Variants in NIPBL observed in about 807,000 individuals in gnomAD.
NIPBL encodes the protein nipped-B-like protein.
A neutral mutation model predicts 321.8 loss-of-function variants in NIPBL; 19 were observed. The ratio of observed to expected loss-of-function variants is 0.06; its 90% CI spans 0.04 to 0.09. NIPBL has a LOEUF of 0.09. Among genes scored for constraint, NIPBL ranks in the 10% least tolerant of loss-of-function variants. NIPBL has a pLI of 1.00. For missense variants in NIPBL, 2,210 were observed against 3,327.0 expected, an observed-to-expected ratio of 0.66 and a Z score of 8.26; for synonymous variants, 1,106 against 1,114.1, an observed-to-expected ratio of 0.99 and a Z score of 0.14.
At chr5:36,910,456 G>A (rs1480050631) in intron 1 of NIPBL, among the ~76,000 whole-genome samples, 1 of 152,106 alleles carries the variant, frequency 6.6e-6, no homozygotes, top group Non-Finnish European at 1.5e-5. Context: ...CTCTGTCTTT[G>A]CTCCCATGTC....
chr5:37,037,411 A>ATATATATATATATATGTG (rs1433173870), intron 33 of NIPBL, among the ~76,000 whole-genome samples: 1 of 144,096 alleles, frequency 6.9e-6, no homozygotes, highest in Non-Finnish European at 1.5e-5. Context: ...ATATATATGT[A>ATATATATATATATATGTG]TATATATATA....
At chr5:37,039,798 C>A (rs151247236) in intron 34 of NIPBL, among the ~76,000 whole-genome samples, 71 of 152,094 alleles carry the variant, frequency 4.7e-4, no homozygotes, top group African/African-American at 1.6e-3. Context: ...ACTTTAAGAA[C>A]TGAGGAGAGT....
rs1746137918 is a variant in NIPBL at position 36,996,292 on chromosome 5, T to C, written c.3304+488T>C. ...GAATGCTTACTGGAAGAGGTGACAC[T>C]TGAGTTGAGTCTTGAAGGACACGTA... On this transcript the variant is annotated intron_variant, in intron 11 of 46. Coordinates refer to ENST00000282516, the MANE Select transcript of NIPBL (RefSeq NM_133433.4). This position sits in a 1 kb window ranked among gnomAD's most constrained non-coding sequence, Gnocchi z 5.0. Among the ~76,000 whole-genome samples, 1 of 152,122 alleles carries C rather than the reference T, an allele frequency of 6.6e-6. No individual in the cohort carries two copies. The highest frequency in any genetic ancestry group is 1.5e-5 in the Non-Finnish European group (1 of 68,012).
chr5:37,049,384 T>C, intron 40 of NIPBL, 83 bp downstream of exon 40: 1 of 1,398,814 alleles, frequency 7.1e-7, no homozygotes, highest in Non-Finnish European at 1.0e-6. Context: ...AGAGAATAAG[T>C]AGTTCTTCGT....
rs373347856 is a variant in NIPBL, at chr5:36,919,059, TC to T, written c.-79-34556del. Among the ~76,000 whole-genome samples, 482 of 152,050 alleles carry T rather than the reference TC, an allele frequency of 3.2e-3. 3 individuals are homozygous for T. The highest frequency in any genetic ancestry group is 0.011 in the African/African-American group (458 of 41,466). On this transcript the variant is annotated intron_variant, in intron 1 of 46. Transcript: ENST00000282516. ...CCTCCTAAAATAAATTAGGGAGGAG[TC>T]CCTCTTTTTCTCTTGATTGGAATAG...
At chr5:36,878,363 C>T (rs1294148141) in intron 1 of NIPBL, among the ~76,000 whole-genome samples, 1 of 152,164 alleles carries the variant, frequency 6.6e-6, no homozygotes, top group Non-Finnish European at 1.5e-5. Flanking sequence ...AGTTCTAGTT[C>T]ATGAGTAAGT....
Position 36,985,757 on chromosome 5 carries a change from T to C in NIPBL, c.2577T>C (p.Asp859=). 1 of 1,613,756 alleles carries C rather than the reference T, an allele frequency of 6.2e-7. No individual in the cohort carries two copies. The highest frequency in any genetic ancestry group is 8.5e-7 in the Non-Finnish European group (1 of 1,179,936). ...SSRNEHGIKS[D]SSKTDKLERK... ...GAAATGAACATGGCATTAAATCTGA[T>C]AGTTCAAAAACTGATAAACTAGAAC... The change falls in exon 10 of 47, where the codon GAT becomes GAC. Residue 859 remains aspartate, a synonymous_variant. Transcript: ENST00000282516.
At chr5:36,896,018 G>T (rs1746704666) in intron 1 of NIPBL, among the ~76,000 whole-genome samples, 1 of 152,092 alleles carries the variant, frequency 6.6e-6, no homozygotes, top group Admixed American at 6.5e-5. Context: ...AGAAACTATT[G>T]CCTAATCCAA....
At chr5:36,952,649 AAG>A (rs901983080) in intron 1 of NIPBL, among the ~76,000 whole-genome samples, 12 of 152,174 alleles carry the variant, frequency 7.9e-5, no homozygotes, top group African/African-American at 2.4e-4. Flanking sequence ...TCTGTGTGTG[AAG>A]AGAGAGAGAA....
rs1212070894 is a variant in NIPBL at position 37,013,241 on chromosome 5, C to T, written c.4561-1442C>T. On this transcript the variant is annotated intron_variant, in intron 21 of 46. Transcript: ENST00000282516. ...GGGGCTCCTCACTTCCCAGTAGGCG[C>T]GGCCGGGCAGAGGCGCCCCTCACCT... Among the ~76,000 whole-genome samples the T allele has an allele frequency of 2.3e-4, 34 of 146,064 alleles. No individual in the cohort carries two copies. In the South Asian group the frequency reaches 3.5e-3, roughly 15 times the overall value.
intron 9 of NIPBL, 128 bp downstream of exon 9, chr5:36,976,530 T>G (rs1203702372): frequency 3.6e-6 from 3 of 825,060 alleles, no homozygotes; most frequent in Non-Finnish European, 5.7e-6. Flanking sequence ...GTACATATTT[T>G]TATTACTAAT....
intron 1 of NIPBL, among the ~76,000 whole-genome samples, chr5:36,884,887 T>G (rs1745773972): frequency 6.6e-6 from 1 of 152,130 alleles, no homozygotes; most frequent in African/African-American, 2.4e-5. Flanking sequence ...TACATAACTT[T>G]ATAAAGATAA....
intron 1 of NIPBL, among the ~76,000 whole-genome samples, chr5:36,904,998 A>G (rs1747518964): frequency 6.6e-6 from 1 of 152,238 alleles, no homozygotes; most frequent in Non-Finnish European, 1.5e-5. Flanking sequence ...TGCCTATCAC[A>G]GTGCAATTAG....
chr5:36,886,271 G>T, intron 1 of NIPBL: 1 of 669,434 alleles, frequency 1.5e-6, no homozygotes, highest in East Asian at 2.8e-5. Context: ...CAGGCAGAGG[G>T]GCAGCACCAG....
chr5:36,946,783 A>T (rs1739734539), intron 1 of NIPBL, among the ~76,000 whole-genome samples: 1 of 152,166 alleles, frequency 6.6e-6, no homozygotes, highest in African/African-American at 2.4e-5. Flanking sequence ...TCAAACACTT[A>T]TATTCTAGTC....
intron 1 of NIPBL, among the ~76,000 whole-genome samples, chr5:36,888,876 G>A (rs1232550739): frequency 2.6e-5 from 4 of 151,960 alleles, no homozygotes; most frequent in East Asian, 1.9e-4. Context: ...CATTTTCTTC[G>A]TTATATCTAG....
At chr5:36,891,274 AAAAG>A (rs940672945) in intron 1 of NIPBL, among the ~76,000 whole-genome samples, 3 of 152,148 alleles carry the variant, frequency 2.0e-5, no homozygotes, top group African/African-American at 7.2e-5. Context: ...AAAAAACAAA[AAAAG>A]AAAAAGAAAT....
chr5:36,972,158 A>G, intron 8 of NIPBL, 117 bp downstream of exon 8: 1 of 702,350 alleles, frequency 1.4e-6, no homozygotes, highest in Non-Finnish European at 2.5e-6. Flanking sequence ...TCATTGTAGA[A>G]AAAAAAATAA....
chr5:36,907,001 A>G (rs991068413), intron 1 of NIPBL, among the ~76,000 whole-genome samples: 19 of 152,194 alleles, frequency 1.2e-4, no homozygotes, highest in African/African-American at 4.6e-4. Context: ...CTTTGCACAG[A>G]TGGTGACTAG....
Sources: gnomAD v4.1 joint callset for allele counts (sites outside exome capture counted in the v4.1 genomes callset) on GRCh38, gnomAD v4.1.1 for gene constraint, Gnocchi (gnomAD v3.1) non-coding constraint, MANE v1.5 for transcripts, NCBI Gene and HGNC (gene_info 2026-07-23, HGNC 2026-07-21) for gene names.